Variants in SLIT3 observed in about 807,000 individuals in gnomAD.
SLIT3 encodes slit homolog 3 protein.
A neutral mutation model predicts 184.0 loss-of-function variants in SLIT3; 68 were observed. The ratio of observed to expected loss-of-function variants is 0.37; its 90% CI spans 0.30 to 0.45. SLIT3 has a LOEUF of 0.45. SLIT3 is among the 20% of genes least tolerant of loss of function. The pLI is 1.00. For missense variants in SLIT3, 1,707 were observed against 2,026.0 expected (o/e 0.84, Z 3.02); for synonymous variants, 831 against 828.6 (o/e 1.00, Z -0.05).
intron 4 of SLIT3, among the ~76,000 whole-genome samples, chr5:169,064,677 A>G (rs966721519): frequency 2.0e-5 from 3 of 152,220 alleles, no homozygotes; most frequent in Admixed American, 6.5e-5. Flanking sequence ...GACTGCAGCT[A>G]CAAGAAAGGT....
chr5:169,073,558 G>A (rs1758628624), intron 4 of SLIT3, among the ~76,000 whole-genome samples: 1 of 152,046 alleles, frequency 6.6e-6, no homozygotes. Flanking sequence ...ATCTCATGTT[G>A]AATGTGATCT....
chr5:168,718,687 C>CACACACACACAA (rs1762831363), intron 23 of SLIT3, among the ~76,000 whole-genome samples: 1 of 122,722 alleles, frequency 8.1e-6, no homozygotes, highest in Non-Finnish European at 1.6e-5. Flanking sequence ...TACACACACA[C>CACACACACACAA]ACACACACAC....
chr5:168,958,960 G>A (rs1762921481), intron 4 of SLIT3, among the ~76,000 whole-genome samples: 1 of 152,222 alleles, frequency 6.6e-6, no homozygotes, highest in South Asian at 2.1e-4. Flanking sequence ...TGTGCTACAG[G>A]GGGCTCCCCC....
intron 4 of SLIT3, among the ~76,000 whole-genome samples, chr5:169,124,081 C>T (rs572306862): frequency 6.6e-6 from 1 of 152,280 alleles, no homozygotes; most frequent in Non-Finnish European, 1.5e-5. Context: ...TTGGCTCCTT[C>T]TGACTTCTTT....
chr5:169,143,128 T>C (rs973161420), intron 4 of SLIT3, among the ~76,000 whole-genome samples: 1 of 152,194 alleles, frequency 6.6e-6, no homozygotes, highest in African/African-American at 2.4e-5. Flanking sequence ...ATTAATACTA[T>C]CTTCAGCTGA....
At chr5:168,903,076 G>C (rs1330943421) in intron 4 of SLIT3, among the ~76,000 whole-genome samples, 2 of 152,214 alleles carry the variant, frequency 1.3e-5, no homozygotes, top group South Asian at 4.1e-4. Context: ...TCAATCAGCA[G>C]ACCAACAGGC....
intron 5 of SLIT3, among the ~76,000 whole-genome samples, chr5:168,877,359 TG>T (rs1759770284): frequency 6.6e-6 from 1 of 152,046 alleles, no homozygotes; most frequent in African/African-American, 2.4e-5. Flanking sequence ...GCAAAGGTCC[TG>T]GGGCAGGAAG....
chr5:169,225,930 G>T (rs920327188), intron 3 of SLIT3, among the ~76,000 whole-genome samples: 1 of 152,186 alleles, frequency 6.6e-6, no homozygotes, highest in African/African-American at 2.4e-5. Context: ...GGAGTACATT[G>T]TCTGTGGGGC....
intron 1 of SLIT3, among the ~76,000 whole-genome samples, chr5:169,259,805 AT>A (rs1766103100): frequency 6.6e-6 from 1 of 152,188 alleles, no homozygotes. Context: ...AGCCAAATGA[AT>A]TTTTAGAAAA....
At chr5:168,921,756 T>C (rs1761641968) in intron 4 of SLIT3, among the ~76,000 whole-genome samples, 1 of 152,194 alleles carries the variant, frequency 6.6e-6, no homozygotes, top group African/African-American at 2.4e-5. Flanking sequence ...CCAGAACTGA[T>C]TATCATAATG....
At position 168,687,071 on chromosome 5, in the gene SLIT3, G is replaced by A; in HGVS notation, c.3222C>T (p.Asp1074=). The part of the protein sequence containing the change: ...PGYSGKLCET[D]NDDCVAHKCR... Reference sequence around the variant, plus strand: ...ACTTGTGGGCCACACAGTCATCATTGTCTGTCTCACAGAGCTTCCCGCTGT... The same window carrying A: ...ACTTGTGGGCCACACAGTCATCATTATCTGTCTCACAGAGCTTCCCGCTGT... The change falls in exon 30 of 36, where the codon GAC becomes GAT. Residue 1074 remains aspartate (D), a synonymous_variant. Coordinates refer to ENST00000519560, the MANE Select transcript of SLIT3 (RefSeq NM_003062.4). The A allele has an allele frequency of 6.2e-7, 1 of 1,614,250 alleles. No individual in the cohort carries two copies. Among genetic ancestry groups the A allele is most frequent in the African/African-American group, 1.3e-5 (1 of 75,068 alleles).
At chr5:169,056,027 T>C (rs1757990877) in intron 4 of SLIT3, among the ~76,000 whole-genome samples, 4 of 152,096 alleles carry the variant, frequency 2.6e-5, no homozygotes, top group Admixed American at 2.6e-4. Context: ...CCCTGGCTTG[T>C]CCTTGAATAT....
At chr5:169,154,253 C>T (rs1382604981) in intron 4 of SLIT3, among the ~76,000 whole-genome samples, 4 of 152,236 alleles carry the variant, frequency 2.6e-5, no homozygotes, top group African/African-American at 9.6e-5. Context: ...AGCCACCGTG[C>T]CTGGCCGATG....
In SLIT3 at chr5:169,213,657, T is replaced by G. The variant is rs535622095; in HGVS notation, c.342-20107A>C. ...CTCTGACTCACTCCCCTGCTTAATT[T>G]TTTCCAAGTGATGATCTGACCTATT... On this transcript the variant is annotated intron_variant, in intron 3 of 35. Transcript: ENST00000519560. 2.2e-4 allele frequency among the ~76,000 whole-genome samples: 34 copies of G among 152,332 alleles called. No individual in the cohort carries two copies. In the South Asian group the frequency reaches 6.6e-3, roughly 30 times the overall value.
intron 4 of SLIT3, among the ~76,000 whole-genome samples, chr5:169,090,516 C>T (rs1759538843): frequency 6.6e-6 from 1 of 152,192 alleles, no homozygotes; most frequent in African/African-American, 2.4e-5. Context: ...AAGCCTTTCC[C>T]ACCCCACCTC....
intron 5 of SLIT3, among the ~76,000 whole-genome samples, chr5:168,876,987 C>T (rs1422727895): frequency 1.3e-5 from 2 of 152,134 alleles, no homozygotes; most frequent in Non-Finnish European, 2.9e-5. Flanking sequence ...CGGCAAACAC[C>T]TGTGAAATGA....
At chr5:168,775,925 A>G (rs1755730930) in intron 12 of SLIT3, among the ~76,000 whole-genome samples, 1 of 152,206 alleles carries the variant, frequency 6.6e-6, no homozygotes, top group Non-Finnish European at 1.5e-5. Flanking sequence ...AGATCCTAAG[A>G]ATTACCTTTA....
chr5:169,110,654 G>C (rs1048886882), intron 4 of SLIT3, among the ~76,000 whole-genome samples: 2 of 152,114 alleles, frequency 1.3e-5, no homozygotes, highest in African/African-American at 2.4e-5. Context: ...TTCCAAATGA[G>C]GTAACATTCA....
intron 28 of SLIT3, among the ~76,000 whole-genome samples, chr5:168,693,393 C>T (rs951391407): frequency 1.3e-5 from 2 of 152,188 alleles, no homozygotes; most frequent in African/African-American, 2.4e-5. Flanking sequence ...GACACATTGC[C>T]TTTGAAGTCT....
Sources: allele counts gnomAD v4.1 joint callset (sites outside exome capture counted in the v4.1 genomes callset), GRCh38; gene constraint gnomAD v4.1.1; transcripts MANE v1.5; gene names NCBI Gene and HGNC (gene_info 2026-07-23, HGNC 2026-07-21).